Variants in AK6 observed in about 807,000 individuals in gnomAD.
AK6 encodes adenylate kinase isoenzyme 6.
AK6 carries 24 observed loss-of-function variants against 23.7 expected under a neutral mutation model. That is an observed-to-expected ratio of 1.01 (90% CI 0.73 to 1.43). AK6 has a LOEUF of 1.43. Ranked by LOEUF, AK6 falls within the 40% of genes most tolerant of loss-of-function variation. The probability of loss-of-function intolerance (pLI) is 0.00; values close to 1 mark genes in which losing one functional copy is unlikely to be tolerated. For missense variants in AK6, 191 were observed against 199.1 expected (o/e 0.96, Z 0.24); for synonymous variants, 73 against 69.8 (o/e 1.05, Z -0.23).
rs766037771 is a variant in AK6 at position 69,352,185 on chromosome 5, GCTT to G, written c.392_394del (p.Glu131del). 6.2e-7 allele frequency: 1 copy of G among 1,613,852 alleles called. No individual in the cohort carries two copies. The highest frequency in any genetic ancestry group is 8.5e-7 in the Non-Finnish European group (1 of 1,179,882). On this transcript the variant is annotated inframe_deletion, in exon 5 of 5. Coordinates refer to ENST00000380822, the MANE Select transcript of AK6 (RefSeq NM_016283.5). ...GATTTCTTCCTTGTAGGATGCTGTGGCTTCTTCATAAAGAACTTGAAAAATCTC... is the reference window on the plus strand; with the variant it reads ...GATTTCTTCCTTGTAGGATGCTGTGGCTTCATAAAGAACTTGAAAAATCTC...
intron 2 of AK6, among the ~76,000 whole-genome samples, chr5:69,356,860 G>A (rs769656108): frequency 1.5e-4 from 23 of 152,076 alleles, no homozygotes; most frequent in Non-Finnish European, 2.5e-4. Flanking sequence ...CAAAAATAAC[G>A]TTCAAAGTTA....
At chr5:69,365,267 T>C in intron 2 of AK6, 3 of 1,614,196 alleles carry the variant, frequency 1.9e-6, no homozygotes, top group Non-Finnish European at 2.5e-6. Context: ...TGGGAGTACT[T>C]GGTCTGCTAG....
chr5:69,362,301 T>C (rs145687116), intron 2 of AK6, among the ~76,000 whole-genome samples: 2 of 152,194 alleles, frequency 1.3e-5, no homozygotes, highest in South Asian at 4.1e-4. Context: ...ACCCAAAATG[T>C]CTTCACACAT....
chr5:69,352,231 T>C lies in AK6; in HGVS notation c.349A>G (p.Thr117Ala). The change falls in exon 5 of 5, where the codon ACA (threonine) becomes GCA (alanine). Residue 117 changes from threonine (T) to alanine (A), a missense_variant. Physicochemically the swap from Thr to Ala is moderately conservative, Grantham distance 58. Coordinates refer to ENST00000380822, the MANE Select transcript of AK6 (RefSeq NM_016283.5). ...ETRGYNEKKL[T>A]DNIQCEIFQV... ...AAAATCTCACACTGAATATTGTCTG[T>C]TAGTTTCTTCTCATTATAACCCCTA... 6.2e-7 allele frequency: 1 copy of C among 1,613,244 alleles called. No homozygotes were observed. Among genetic ancestry groups the C allele is most frequent in the African/African-American group, 1.3e-5 (1 of 75,040 alleles).
chr5:69,358,435 C>T (rs1490827623), intron 2 of AK6, among the ~76,000 whole-genome samples: 2 of 146,510 alleles, frequency 1.4e-5, no homozygotes, highest in Non-Finnish European at 3.0e-5. Flanking sequence ...GCAGGAGAAT[C>T]GCTTGAACCC....
Position 69,355,892 on chromosome 5 carries a change from T to TA in AK6, c.180+2dup. ...GCATACTTTATGAAAAAGTCATACT[T>TA]ACTCTGTCTTCATCTAAAATGGGAC... is the stretch of plus-strand genomic sequence containing the variant. On this transcript the variant is annotated splice_region_variant and intron_variant, in intron 3 of 4. Coordinates refer to ENST00000380822, the MANE Select transcript of AK6 (RefSeq NM_016283.5). The TA allele has an allele frequency of 1.2e-6, 2 of 1,608,852 alleles. No homozygotes were observed. The highest frequency in any genetic ancestry group is 1.7e-6 in the Non-Finnish European group (2 of 1,178,364).
At chr5:69,355,109 G>A (rs72647235) in intron 4 of AK6, among the ~76,000 whole-genome samples, 6,640 of 152,244 alleles carry the variant, frequency 0.044, 259 homozygotes, top group South Asian at 0.15. Context: ...GATTACAAGC[G>A]TGAGCCACTG....
intron 1 of AK6, among the ~76,000 whole-genome samples, chr5:69,368,086 C>G (rs536975681): frequency 6.6e-6 from 1 of 152,298 alleles, no homozygotes; most frequent in East Asian, 1.9e-4. Flanking sequence ...CCCTTGCGCC[C>G]TTCCCTAGAG....
intron 4 of AK6, among the ~76,000 whole-genome samples, chr5:69,353,232 G>A (rs1410865387): frequency 6.6e-6 from 1 of 152,110 alleles, no homozygotes; most frequent in African/African-American, 2.4e-5. Context: ...TGGTTGCCTA[G>A]GGCTGGGGAA....
rs1762435417 is a variant in AK6, at chr5:69,366,578, T to C, written c.46A>G (p.Lys16Glu). The change falls in exon 2 of 5, where the codon AAA becomes GAA. Residue 16 changes from lysine (K) to glutamate (E), a missense_variant. Transcript: ENST00000380822. ...ILLTGTPGVG[K>E]TTLGKELASK... is the part of the protein sequence containing the mutation. ...GCAAGTTCTTTGCCTAGTGTGGTTT[T>C]TCCAACCCCTGGTGTACCTGTAAGA... 6.2e-7 allele frequency: 1 copy of C among 1,613,826 alleles called. No individual in the cohort carries two copies. Among genetic ancestry groups the C allele is most frequent in the Admixed American group, 1.7e-5 (1 of 60,006 alleles).
At chr5:69,352,898 T>C (rs55653958) in intron 4 of AK6, among the ~76,000 whole-genome samples, 2,416 of 152,254 alleles carry the variant, frequency 0.016, 35 homozygotes, top group Non-Finnish European at 0.027. Flanking sequence ...TTCCTAGATA[T>C]ATAAACAAGA....
chr5:69,353,561 G>A (rs1220362113), intron 4 of AK6, among the ~76,000 whole-genome samples: 1 of 152,050 alleles, frequency 6.6e-6, no homozygotes, highest in East Asian at 1.9e-4. Context: ...CTCCCAAAGT[G>A]CTGGAATTAC....
intron 1 of AK6, chr5:69,369,140 A>G (rs772665286): frequency 8.6e-5 from 39 of 455,948 alleles, no homozygotes; most frequent in Non-Finnish European, 1.4e-4. Flanking sequence ...CAAAGAATCA[A>G]CAACCCATTT....
intron 2 of AK6, chr5:69,364,759 T>C: frequency 1.5e-6 from 1 of 686,204 alleles, no homozygotes; most frequent in Non-Finnish European, 2.5e-6. Context: ...GAATGACAAC[T>C]TTATTTTTCT....
chr5:69,357,342 G>A (rs1251476742), intron 2 of AK6, among the ~76,000 whole-genome samples: 3 of 152,178 alleles, frequency 2.0e-5, no homozygotes, highest in African/African-American at 7.2e-5. Flanking sequence ...AACTGTCTTG[G>A]TATGAAGAAA....
At chr5:69,369,223 T>TCCCCCCCCCCC in intron 1 of AK6, 3 of 277,858 alleles carry the variant, frequency 1.1e-5, no homozygotes, top group Non-Finnish European at 6.5e-6. Flanking sequence ...CCGACCTCTC[T>TCCCCCCCCCCC]CCACCCCCCC....
At chr5:69,354,509 T>C (rs936077563) in intron 4 of AK6, among the ~76,000 whole-genome samples, 3 of 152,238 alleles carry the variant, frequency 2.0e-5, no homozygotes, top group African/African-American at 7.2e-5. Flanking sequence ...CTTTCTGAGA[T>C]TGCTCTCTAA....
chr5:69,365,560 G>A, intron 2 of AK6: 11 of 1,613,968 alleles, frequency 6.8e-6, no homozygotes, highest in Non-Finnish European at 9.3e-6. Flanking sequence ...TTCTTAGCAT[G>A]GCTTGAATAA....
At position 69,351,080 on chromosome 5, in the gene AK6, T is replaced by A. The variant is rs1400244270; in HGVS notation, c.*981A>T. ...CTGCAAGGGGATGAGGAGGAAAGAA[T>A]AGAGAGTGACTGCTAAAGGGTATAG... On this transcript the variant is annotated 3_prime_UTR_variant, in exon 5 of 5. Coordinates refer to ENST00000380822, the MANE Select transcript of AK6 (RefSeq NM_016283.5). 1 of 152,216 alleles carries A rather than the reference T, an allele frequency of 6.6e-6. No homozygotes were observed. Among genetic ancestry groups the A allele is most frequent in the African/African-American group, 2.4e-5 (1 of 41,444 alleles). 9.4% of individuals were successfully genotyped at this position (152,216 alleles called of 1,614,324 possible).
Sources: gnomAD v4.1 joint callset for allele counts (sites outside exome capture counted in the v4.1 genomes callset) on GRCh38, gnomAD v4.1.1 for gene constraint, MANE v1.5 for transcripts, NCBI Gene and HGNC (gene_info 2026-07-23, HGNC 2026-07-21) for gene names.